NUDT14: variants seen among roughly 807,000 people sequenced by gnomAD.
The protein encoded by NUDT14 is nudix hydrolase 14, also known as uridine diphosphate glucose pyrophosphatase NUDT14.
Under a neutral mutation model 17.5 loss-of-function variants are expected in NUDT14, and 22 were observed. The ratio of observed to expected loss-of-function variants is 1.26; its 90% CI spans 0.90 to 1.80. The LOEUF (loss-of-function observed/expected upper bound fraction) is 1.80, where lower values mean the gene tolerates loss of function less well. Ranked by LOEUF, NUDT14 falls within the 40% of genes most tolerant of loss-of-function variation. The pLI is 0.00. For missense variants in NUDT14, 296 were observed against 295.6 expected (o/e 1.00, Z -0.01); for synonymous variants, 129 against 125.8 (o/e 1.03, Z -0.17).
chr14:105,174,536 T>C (rs748659051), intron 4 of NUDT14, among the ~76,000 whole-genome samples: 186 of 151,988 alleles, frequency 1.2e-3, no homozygotes, highest in Admixed American at 8.0e-3. Flanking sequence ...CCTCCCCACC[T>C]CCGGGGGGAC....
At position 105,173,252 on chromosome 14, in the gene NUDT14, C is replaced by A; in HGVS notation, c.438G>T (p.Val146=). 6.5e-7 allele frequency: 1 copy of A among 1,549,228 alleles called. No homozygotes were observed. The highest frequency in any genetic ancestry group is 8.7e-7 in the Non-Finnish European group (1 of 1,148,700). The change falls in exon 5 of 5, where the codon GTG becomes GTT. Residue 146 remains valine (V), a synonymous_variant. Coordinates refer to ENST00000392568, the MANE Select transcript of NUDT14 (RefSeq NM_177533.5). The surrounding 1 kb of genome is among the most constrained non-coding windows in gnomAD (Gnocchi z 4.7). ...TGGTCTGTCTGGAGCCAGTCAGTCC[C>A]ACTCCAGACCTACGGGTTGAGACAG... ...LRRVATYWSG[V]GLTGSRQTMF...
Position 105,181,292 on chromosome 14 carries a change from C to T in NUDT14, c.-83G>A. 1.8e-6 allele frequency: 1 copy of T among 543,806 alleles called. No homozygotes were observed. The highest frequency in any genetic ancestry group is 2.4e-6 in the Non-Finnish European group (1 of 420,954). 33.7% of individuals were successfully genotyped at this position (543,806 alleles called of 1,614,324 possible). A position where few individuals can be genotyped will look rare whatever the true frequency, so the allele number is the denominator to read the frequency against. On this transcript the variant is annotated 5_prime_UTR_variant, in exon 1 of 5. Transcript: ENST00000392568. The surrounding 1 kb of genome is among the most constrained non-coding windows in gnomAD (Gnocchi z 5.0). ...CCCTGTCCCGACAGGAGCCTTCGGGCGGGCGCGTGACCGCGGCTCTGAGCA... is the reference window on the plus strand; with the variant it reads ...CCCTGTCCCGACAGGAGCCTTCGGGTGGGCGCGTGACCGCGGCTCTGAGCA...
At chr14:105,179,526 C>T (rs796769015) in intron 1 of NUDT14, among the ~76,000 whole-genome samples, 21 of 152,372 alleles carry the variant, frequency 1.4e-4, no homozygotes, top group African/African-American at 4.8e-4. Flanking sequence ...GCTGCAAGGG[C>T]TGCCCTGAGG....
chr14:105,176,998 C>G lies in NUDT14; in HGVS notation c.155G>C (p.Arg52Pro), dbSNP rs376838454. 2 of 1,611,886 alleles carry G rather than the reference C, an allele frequency of 1.2e-6. No homozygotes were observed. Among genetic ancestry groups the G allele is most frequent in the Non-Finnish European group, 1.7e-6 (2 of 1,179,798 alleles). ...SVTVLLFNSSRRSLVLVKQFR... is the reference protein window; with the variant it reads ...SVTVLLFNSSPRSLVLVKQFR... The stretch of plus-strand genomic sequence containing the variant: ...CTGCTTCACCAACACCAGGCTCCTC[C>G]GAGAAGAGTTGAATAAGAGAACGGT... The change falls in exon 3 of 5, where the codon CGG becomes CCG. Residue 52 changes from arginine to proline, a missense_variant. By Grantham distance (103) the Arg-to-Pro change is moderately radical. Transcript: ENST00000392568.
intron 1 of NUDT14, among the ~76,000 whole-genome samples, chr14:105,178,959 C>G (rs911072070): frequency 1.3e-5 from 2 of 152,096 alleles, no homozygotes; most frequent in Non-Finnish European, 2.9e-5. Flanking sequence ...GTACCACTCC[C>G]GGGAGGCGAC....
At chr14:105,176,055 C>CCGGAACTGCTTCACCAACACCAGGCT in intron 4 of NUDT14, 1 of 1,185,684 alleles carries the variant, frequency 8.4e-7, no homozygotes, top group South Asian at 1.5e-5. Context: ...CAGCTGGCAG[C>CCGGAACTGCTTCACCAACACCAGGCT]CCTCGCGGGG....
At chr14:105,177,605 G>A (rs1424334070) in intron 2 of NUDT14, 87 bp downstream of exon 2, 8 of 1,276,904 alleles carry the variant, frequency 6.3e-6, no homozygotes, top group East Asian at 2.3e-5. Context: ...ACGTCAGGGA[G>A]GAGAGGGCAC....
rs375404228 is a variant in NUDT14, at chr14:105,176,564, G to A, written c.398C>T (p.Pro133Leu). 9.2e-5 allele frequency: 148 copies of A among 1,612,608 alleles called. No homozygotes were observed. The highest frequency in any genetic ancestry group is 1.2e-4 in the Non-Finnish European group (137 of 1,179,936). ...TGTGGCGACCCGGCGCAGATCAGAGGGGGCCAAGTGGTAGCCACACTCCTC... is the reference window on the plus strand; with the variant it reads ...TGTGGCGACCCGGCGCAGATCAGAGAGGGCCAAGTGGTAGCCACACTCCTC... Reference protein sequence around the residue: ...AWEECGYHLAPSDLRRVATYW... With the variant: ...AWEECGYHLALSDLRRVATYW... Residue 133 changes from proline to leucine, a missense_variant, in exon 4 of 5, where the codon CCC becomes CTC. Coordinates refer to ENST00000392568, the MANE Select transcript of NUDT14 (RefSeq NM_177533.5).
At chr14:105,175,568 ATTTTGTACTTTT>A in intron 4 of NUDT14, 1 of 237,990 alleles carries the variant, frequency 4.2e-6, no homozygotes, top group Non-Finnish European at 6.8e-6. Flanking sequence ...CGCCTGGCTA[ATTTTGTACTTTT>A]AGCAGAGGCG....
Position 105,176,584 on chromosome 14 carries a change from C to G in NUDT14, c.378G>C (p.Glu126Asp), listed in dbSNP as rs775112094. Reference protein sequence around the residue: ...EEVACKEAWEECGYHLAPSDL... With the variant: ...EEVACKEAWEDCGYHLAPSDL... ...CAGAGGGGGCCAAGTGGTAGCCACA[C>G]TCCTCCCAAGCCTCCTTGCAAGCCA... is the stretch of plus-strand genomic sequence containing the variant. Residue 126 changes from glutamate (E) to aspartate (D), a missense_variant, in exon 4 of 5, where the codon GAG becomes GAC. Transcript: ENST00000392568. 1 of 1,612,634 alleles carries G rather than the reference C, an allele frequency of 6.2e-7. No homozygotes were observed. Among genetic ancestry groups the G allele is most frequent in the African/African-American group, 1.3e-5 (1 of 74,916 alleles).
chr14:105,172,976 T>C lies in NUDT14; in HGVS notation c.*45A>G. The C allele has an allele frequency of 6.8e-7, 1 of 1,460,060 alleles. No homozygotes were observed. The highest frequency in any genetic ancestry group is 9.0e-7 in the Non-Finnish European group (1 of 1,106,108). 90.4% of individuals were successfully genotyped at this position (1,460,060 alleles called of 1,614,324 possible). On this transcript the variant is annotated 3_prime_UTR_variant, in exon 5 of 5. Coordinates refer to ENST00000392568, the MANE Select transcript of NUDT14 (RefSeq NM_177533.5). ...AGCCTTTATTGGGGTCCGCGGGGTG[T>C]GGGGTGAGTGGCCAAGACTGGCCTC...
intron 4 of NUDT14, among the ~76,000 whole-genome samples, chr14:105,174,280 G>C (rs948893199): frequency 6.6e-6 from 1 of 152,124 alleles, no homozygotes; most frequent in Non-Finnish European, 1.5e-5. Context: ...GGATGGCAGA[G>C]GGGCTGGGCT....
chr14:105,176,807 C>A (rs142630749), intron 3 of NUDT14, 36 bp from the exon 4 acceptor site: 242 of 1,598,604 alleles, frequency 1.5e-4, no homozygotes, highest in Non-Finnish European at 2.0e-4. Context: ...CTCACAGCCA[C>A]GTGGTGGCCA....
At position 105,173,045 on chromosome 14, in the gene NUDT14, C is replaced by A; in HGVS notation, c.645G>T (p.Val215=). 2 of 1,516,064 alleles carry A rather than the reference C, an allele frequency of 1.3e-6. No homozygotes were observed. The highest frequency in any genetic ancestry group is 1.8e-6 in the Non-Finnish European group (2 of 1,132,022). 93.9% of individuals were successfully genotyped at this position (1,516,064 alleles called of 1,614,324 possible). A position where few individuals can be genotyped will look rare whatever the true frequency, so the allele number is the denominator to read the frequency against. The stretch of plus-strand genomic sequence containing the variant: ...CTCACTGGAGATCCAGGTTGGGGGC[C>A]ACCTGGCTGAGGAACCATGAGACAC... The part of the protein sequence containing the change: ...IFGVSWFLSQ[V]APNLDLQ The change falls in exon 5 of 5, where the codon GTG becomes GTT. Residue 215 remains valine, a synonymous_variant. Transcript: ENST00000392568. The surrounding 1 kb of genome is among the most constrained non-coding windows in gnomAD (Gnocchi z 4.7).
Position 105,181,079 on chromosome 14 carries a change from T to C in NUDT14, c.81+50A>G. ...AAGATGGTGGGCGGGGCGCGGGTCG[T>C]GGGCCGGGCCGCCGGCGGGGGCGCG... On this transcript the variant is annotated intron_variant, in intron 1 of 4. Coordinates refer to ENST00000392568, the MANE Select transcript of NUDT14 (RefSeq NM_177533.5). This position sits in a 1 kb window ranked among gnomAD's most constrained non-coding sequence, Gnocchi z 5.0. The C allele has an allele frequency of 1.7e-6, 1 of 575,292 alleles. No homozygotes were observed. The highest frequency in any genetic ancestry group is 2.2e-6 in the Non-Finnish European group (1 of 449,950). The allele number at this position is 575,292 out of a possible 1,614,324, so 35.6% of individuals were successfully genotyped here.
chr14:105,180,358 G>C (rs906087362), intron 1 of NUDT14, among the ~76,000 whole-genome samples: 1 of 152,154 alleles, frequency 6.6e-6, no homozygotes, highest in Non-Finnish European at 1.5e-5. Flanking sequence ...CCAGCTACTG[G>C]GGCGGGGGCT....
chr14:105,173,513 G>A lies in NUDT14; in HGVS notation c.429-252C>T, dbSNP rs1341246877. The A allele has an allele frequency of 2.7e-6, 1 of 367,236 alleles. No homozygotes were observed. Among genetic ancestry groups the A allele is most frequent in the Non-Finnish European group, 4.9e-6 (1 of 205,908 alleles). The allele number at this position is 367,236 out of a possible 1,614,324, so 22.7% of individuals were successfully genotyped here. ...GGTGGGTGTTGTCGATGTGATTAAG[G>A]ACCCTAACCGGTGACTTGAGCTCAT... is the stretch of plus-strand genomic sequence containing the variant. On this transcript the variant is annotated intron_variant, in intron 4 of 4. Transcript: ENST00000392568. The surrounding 1 kb of genome is among the most constrained non-coding windows in gnomAD (Gnocchi z 4.7).
chr14:105,177,677 G>GGGCCAGGCTC lies in NUDT14; in HGVS notation c.125+5_125+14dup, dbSNP rs1319769684. ...CTGGGGCTTCCCCAGTGGCCAGGCT[G>GGGCCAGGCTC]GGCCAGGCTCTCACCTGTCATGCGT... On this transcript the variant is annotated intron_variant, in intron 2 of 4. Transcript: ENST00000392568. 6.2e-7 allele frequency: 1 copy of GGGCCAGGCTC among 1,611,422 alleles called. No individual in the cohort carries two copies. Among genetic ancestry groups the GGGCCAGGCTC allele is most frequent in the Non-Finnish European group, 8.5e-7 (1 of 1,179,044 alleles).
chr14:105,180,366 G>A (rs587598556), intron 1 of NUDT14, among the ~76,000 whole-genome samples: 5 of 152,294 alleles, frequency 3.3e-5, no homozygotes, highest in East Asian at 3.9e-4. Flanking sequence ...TGGGGCGGGG[G>A]CTGAGGCAGG....
Sources: allele counts gnomAD v4.1 joint callset (sites outside exome capture counted in the v4.1 genomes callset), GRCh38; gene constraint gnomAD v4.1.1; non-coding constraint Gnocchi (gnomAD v3.1); transcripts MANE v1.5; gene names NCBI Gene and HGNC (gene_info 2026-07-23, HGNC 2026-07-21).